Variants in DLG2 observed in about 807,000 individuals in gnomAD.
DLG2 encodes the protein discs large MAGUK scaffold protein 2.
In DLG2, 45 loss-of-function variants were observed where a neutral mutation model predicts 132.5. The observed-to-expected ratio is 0.34, with a 90% CI of 0.27 to 0.44. DLG2 has a LOEUF of 0.44. Among genes scored for constraint, DLG2 ranks in the 20% least tolerant of loss-of-function variants. DLG2 has a pLI of 1.00. For synonymous variants in DLG2, 424 were observed against 419.6 expected (o/e 1.01, Z -0.13); for missense variants, 1,045 against 1,196.9 (o/e 0.87, Z 1.87).
At chr11:85,047,896 G>A (rs2154152695) in intron 6 of DLG2, among the ~76,000 whole-genome samples, 1 of 151,954 alleles carries the variant, frequency 6.6e-6, no homozygotes, top group South Asian at 2.1e-4. Context: ...CTGATCATTA[G>A]TAGGTAAAAA....
In DLG2 at chr11:85,509,722, T is replaced by G. The variant is rs140644505; in HGVS notation, c.40+88935A>C. Among the ~76,000 whole-genome samples the G allele has an allele frequency of 5.2e-3, 797 of 152,152 alleles. 8 individuals carry two copies. Among genetic ancestry groups the G allele is most frequent in the African/African-American group, 0.018 (739 of 41,538 alleles). On this transcript the variant is annotated intron_variant, in intron 3 of 27. Transcript: ENST00000376104. ...AGTCAGGTGCTGTGATAAATGCTGA[T>G]GATACATAGTGAACGAAAATACTGG...
intron 17 of DLG2, chr11:83,791,543 G>T: frequency 5.3e-6 from 3 of 564,440 alleles, no homozygotes; most frequent in South Asian, 3.4e-5. Flanking sequence ...TCAAGTTAAA[G>T]GATTTCCAGA....
chr11:84,299,865 G>A (rs956178764), intron 7 of DLG2, among the ~76,000 whole-genome samples: 1 of 152,256 alleles, frequency 6.6e-6, no homozygotes, highest in Admixed American at 6.5e-5. Flanking sequence ...CATGCTGCAG[G>A]TATGTTGTTT....
chr11:83,658,132 T>C (rs751002936), intron 18 of DLG2, among the ~76,000 whole-genome samples: 33 of 152,228 alleles, frequency 2.2e-4, no homozygotes, highest in Non-Finnish European at 4.4e-4. Flanking sequence ...TATCTTTTAA[T>C]TTTACTCCAG....
At chr11:84,843,810 G>C (rs951482710) in intron 6 of DLG2, among the ~76,000 whole-genome samples, 1 of 151,408 alleles carries the variant, frequency 6.6e-6, no homozygotes, top group African/African-American at 2.4e-5. Context: ...AAATATTTTT[G>C]ATTCACAGCA....
At position 85,111,831 on chromosome 11, in the gene DLG2, T is replaced by C. The variant is rs1006981495; in HGVS notation, c.283-96A>G. ...GTTTATTATCAATATGTTTATTACC[T>C]TATTTATAATCATAGAGAGAGAATG... On this transcript the variant is annotated intron_variant, in intron 5 of 27. Coordinates refer to ENST00000376104, the MANE Select transcript of DLG2 (RefSeq NM_001142699.3). 5.6e-6 allele frequency: 5 copies of C among 887,428 alleles called. No homozygotes were observed. The Admixed American group carries it at 8.4e-5, about 15-fold the overall frequency. The allele number at this position is 887,428 out of a possible 1,614,324, so 55.0% of individuals were successfully genotyped here.
chr11:85,479,426 C>T (rs2093231536), intron 3 of DLG2, among the ~76,000 whole-genome samples: 2 of 152,204 alleles, frequency 1.3e-5, no homozygotes, highest in Non-Finnish European at 2.9e-5. Flanking sequence ...TCCAAAAGGC[C>T]TCCAAATACC....
intron 6 of DLG2, among the ~76,000 whole-genome samples, chr11:85,089,478 C>A (rs72959759): frequency 0.029 from 4,472 of 152,218 alleles, 95 homozygotes; most frequent in Non-Finnish European, 0.046. Flanking sequence ...TTTTTTATGG[C>A]TGCATAGTAT....
intron 6 of DLG2, among the ~76,000 whole-genome samples, chr11:85,105,912 T>G (rs1211370611): frequency 1.3e-5 from 2 of 151,274 alleles, no homozygotes; most frequent in African/African-American, 2.4e-5. Context: ...CCATGGTCTG[T>G]GTATTTATGT....
chr11:85,546,146 C>T (rs1211796529), intron 3 of DLG2, among the ~76,000 whole-genome samples: 1 of 152,212 alleles, frequency 6.6e-6, no homozygotes, highest in African/African-American at 2.4e-5. Flanking sequence ...AAATTTCCCT[C>T]TACACACTGC....
At chr11:84,873,212 G>T (rs547613831) in intron 6 of DLG2, among the ~76,000 whole-genome samples, 18 of 152,240 alleles carry the variant, frequency 1.2e-4, no homozygotes, top group African/African-American at 4.3e-4. Flanking sequence ...AGGTAGGAGA[G>T]AGTCAGAGTT....
At chr11:84,838,994 G>A (rs1484109576) in intron 6 of DLG2, among the ~76,000 whole-genome samples, 1 of 152,028 alleles carries the variant, frequency 6.6e-6, no homozygotes, top group African/African-American at 2.4e-5. Flanking sequence ...TCTGGCCAGG[G>A]CAGTAAGGCA....
At chr11:84,366,006 A>T (rs2098680156) in intron 7 of DLG2, among the ~76,000 whole-genome samples, 1 of 152,082 alleles carries the variant, frequency 6.6e-6, no homozygotes, top group Non-Finnish European at 1.5e-5. Context: ...CAAGACACAT[A>T]ACTGTCAGAT....
chr11:84,924,244 T>G (rs2092892618), intron 6 of DLG2, among the ~76,000 whole-genome samples: 1 of 152,086 alleles, frequency 6.6e-6, no homozygotes, highest in African/African-American at 2.4e-5. Flanking sequence ...TTTCCAGCCT[T>G]GGGAAGCCGA....
intron 14 of DLG2, among the ~76,000 whole-genome samples, chr11:83,960,697 C>G (rs975226734): frequency 6.6e-6 from 1 of 151,322 alleles, no homozygotes; most frequent in Non-Finnish European, 1.5e-5. Flanking sequence ...ATTTGTGCAT[C>G]TCTAGTGCAG....
At chr11:85,107,543 C>T (rs1288758528) in intron 6 of DLG2, among the ~76,000 whole-genome samples, 1 of 151,988 alleles carries the variant, frequency 6.6e-6, no homozygotes, top group Non-Finnish European at 1.5e-5. Context: ...GCGCCAAATG[C>T]TAATTCTTAG....
At chr11:83,729,598 G>C (rs1162725029) in intron 18 of DLG2, among the ~76,000 whole-genome samples, 1 of 152,152 alleles carries the variant, frequency 6.6e-6, no homozygotes, top group Non-Finnish European at 1.5e-5. Context: ...CTTCAAACCA[G>C]CTGGACCAGC....
At chr11:85,110,973 C>T (rs1029344394) in intron 6 of DLG2, among the ~76,000 whole-genome samples, 2 of 152,108 alleles carry the variant, frequency 1.3e-5, no homozygotes, top group Non-Finnish European at 2.9e-5. Context: ...TTCTATTAGG[C>T]AATCCATGTA....
intron 3 of DLG2, among the ~76,000 whole-genome samples, chr11:85,397,573 G>A (rs1423872863): frequency 6.6e-6 from 1 of 152,132 alleles, no homozygotes; most frequent in Non-Finnish European, 1.5e-5. Context: ...AAAATAAAGG[G>A]ATGGAGGAAG....
Sources: gnomAD v4.1 joint callset for allele counts (sites outside exome capture counted in the v4.1 genomes callset) on GRCh38, gnomAD v4.1.1 for gene constraint, MANE v1.5 for transcripts, NCBI Gene and HGNC (gene_info 2026-07-23, HGNC 2026-07-21) for gene names.